The following DNTT variants were observed in gnomAD, a reference collection of about 807,000 sequenced individuals.
DNTT encodes the protein DNA nucleotidylexotransferase.
A neutral mutation model predicts 60.9 loss-of-function variants in DNTT; 47 were observed. That is an observed-to-expected ratio of 0.77 (90% CI 0.61 to 0.98). The LOEUF is 0.98. Ranked by LOEUF, DNTT falls within the 50% of genes least tolerant of loss-of-function variation. The pLI is 0.00. For synonymous variants in DNTT, 224 were observed against 221.2 expected (o/e 1.01, Z -0.11); for missense variants, 665 against 627.5 (o/e 1.06, Z -0.64).
intron 6 of DNTT, among the ~76,000 whole-genome samples, chr10:96,326,863 G>A (rs1455108998): frequency 6.6e-6 from 1 of 152,146 alleles, no homozygotes; most frequent in Admixed American, 6.5e-5. Context: ...TTGGAGATAA[G>A]CCTCCCTTCT....
rs375155834 is a variant in DNTT, at chr10:96,335,919, C to T, written c.1388C>T (p.Ala463Val). The T allele has an allele frequency of 6.2e-6, 10 of 1,614,172 alleles. No homozygotes were observed. Among genetic ancestry groups the T allele is most frequent in the South Asian group, 1.1e-5 (1 of 91,078 alleles). The change falls in exon 10 of 11, where the codon GCC (alanine) becomes GTC (valine). Residue 463 changes from alanine to valine, a missense_variant. Physicochemically the swap from Ala to Val is moderately conservative, Grantham distance 64. Coordinates refer to ENST00000371174, the MANE Select transcript of DNTT (RefSeq NM_004088.4). ...RQFERDLRRY[A>V]THERKMILDN... ...TTTGAGAGAGACCTCCGGCGCTATG[C>T]CACACATGAGCGGAAGATGATTCTG...
At chr10:96,306,092 ATTTTTT>A (rs66877330) in intron 1 of DNTT, among the ~76,000 whole-genome samples, 3 of 131,482 alleles carry the variant, frequency 2.3e-5, no homozygotes, top group African/African-American at 8.4e-5. Flanking sequence ...AAAAAAATAG[ATTTTTT>A]TTTTTTTTTT....
chr10:96,324,437 C>T (rs368014019), intron 6 of DNTT, 48 bp downstream of exon 6: 115 of 1,605,922 alleles, frequency 7.2e-5, no homozygotes, highest in Middle Eastern at 1.7e-4. Context: ...CTGGTCGGGT[C>T]GTGGTGGAGC....
At position 96,308,819 on chromosome 10, in the gene DNTT, A is replaced by G. The variant is rs140877596; in HGVS notation, c.203+4119A>G. Among the ~76,000 whole-genome samples the G allele has an allele frequency of 2.9e-4, 44 of 152,344 alleles. 1 individual carries two copies. In the East Asian group the frequency reaches 8.1e-3, roughly 28 times the overall value. ...TACATTCTTAAAGGTGGGGAGAATT[A>G]CAAAGAACCTTCTTAAGGGTGGGGG... is the stretch of plus-strand genomic sequence containing the variant. On this transcript the variant is annotated intron_variant, in intron 1 of 10. Transcript: ENST00000371174.
At chr10:96,316,553 G>A (rs903565421) in intron 1 of DNTT, among the ~76,000 whole-genome samples, 3 of 152,090 alleles carry the variant, frequency 2.0e-5, no homozygotes, top group African/African-American at 4.8e-5. Flanking sequence ...TTGTCCCTAC[G>A]AATTCAGCCA....
Position 96,307,825 on chromosome 10 carries a change from G to A in DNTT, c.203+3125G>A, listed in dbSNP as rs140417129. Among the ~76,000 whole-genome samples the A allele has an allele frequency of 5.4e-3, 776 of 144,634 alleles. 6 individuals are homozygous for A. The highest frequency in any genetic ancestry group is 0.019 in the African/African-American group (730 of 38,830). The allele number at this position is 144,634 out of a possible 152,430, so 94.9% of individuals were successfully genotyped here. On this transcript the variant is annotated intron_variant, in intron 1 of 10. Coordinates refer to ENST00000371174, the MANE Select transcript of DNTT (RefSeq NM_004088.4). ...CTTGTTCTGTCACGCAGGCTGGAGT[G>A]CAGTGGTGCCATCTCGGCTCACTGC...
chr10:96,307,597 G>A (rs1450814375), intron 1 of DNTT, among the ~76,000 whole-genome samples: 2 of 148,696 alleles, frequency 1.3e-5, no homozygotes, highest in Admixed American at 1.3e-4. Context: ...CTCGTGATCC[G>A]CCCGCCTTGG....
At chr10:96,336,698 G>A (rs1376083695) in intron 10 of DNTT, among the ~76,000 whole-genome samples, 1 of 152,146 alleles carries the variant, frequency 6.6e-6, no homozygotes, top group Non-Finnish European at 1.5e-5. Context: ...TGTAATCCCA[G>A]CACTTTGGGA....
intron 8 of DNTT, among the ~76,000 whole-genome samples, chr10:96,331,060 C>T (rs763741821): frequency 6.6e-6 from 1 of 152,088 alleles, no homozygotes; most frequent in Non-Finnish European, 1.5e-5. Flanking sequence ...AATGGCAACT[C>T]GATTGGGCAC....
chr10:96,324,213 A>T, intron 5 of DNTT, 53 bp from the exon 6 acceptor site: 1 of 1,575,256 alleles, frequency 6.3e-7, no homozygotes, highest in East Asian at 2.3e-5. Context: ...CATGACTCGG[A>T]TGTTATAATG....
chr10:96,315,909 G>A (rs1302772573), intron 1 of DNTT, among the ~76,000 whole-genome samples: 1 of 151,890 alleles, frequency 6.6e-6, no homozygotes, highest in Non-Finnish European at 1.5e-5. Context: ...TCTACAATAG[G>A]GAAGTGGTTA....
At chr10:96,307,055 T>G (rs1844647000) in intron 1 of DNTT, among the ~76,000 whole-genome samples, 1 of 152,226 alleles carries the variant, frequency 6.6e-6, no homozygotes, top group Non-Finnish European at 1.5e-5. Context: ...AAATGGCCTA[T>G]CTGATGTGAT....
At chr10:96,321,967 A>G (rs1007099352) in intron 4 of DNTT, among the ~76,000 whole-genome samples, 14 of 152,320 alleles carry the variant, frequency 9.2e-5, no homozygotes, top group Non-Finnish European at 1.9e-4. Flanking sequence ...CAAGTGGCCT[A>G]AATCTTGACA....
chr10:96,307,474 C>A (rs915985496), intron 1 of DNTT, among the ~76,000 whole-genome samples: 2 of 148,598 alleles, frequency 1.3e-5, no homozygotes, highest in Non-Finnish European at 3.0e-5. Flanking sequence ...CCTGCCTAAG[C>A]CTCCTGAACA....
At chr10:96,311,588 T>C (rs1844714493) in intron 1 of DNTT, among the ~76,000 whole-genome samples, 1 of 152,224 alleles carries the variant, frequency 6.6e-6, no homozygotes, top group Non-Finnish European at 1.5e-5. Flanking sequence ...ACGATTCTTG[T>C]AATATCTTTT....
Position 96,321,328 on chromosome 10 carries a change from T to C in DNTT, c.678+540T>C, listed in dbSNP as rs144271697. 1.5e-3 allele frequency among the ~76,000 whole-genome samples: 228 copies of C among 152,220 alleles called. No homozygotes were observed. The Middle Eastern group carries it at 0.017, about 11-fold the overall frequency. Reference sequence around the variant, plus strand: ...CTTGGGGTATATGTTGGCATACTTCTGGGGTCCTGCGTCACTTTTCCCATG... The same window carrying C: ...CTTGGGGTATATGTTGGCATACTTCCGGGGTCCTGCGTCACTTTTCCCATG... On this transcript the variant is annotated intron_variant, in intron 4 of 10. Coordinates refer to ENST00000371174, the MANE Select transcript of DNTT (RefSeq NM_004088.4).
chr10:96,304,639 C>T lies in DNTT; in HGVS notation c.142C>T (p.Arg48Cys), dbSNP rs779136442. The stretch of plus-strand genomic sequence containing the variant: ...TTTGGAGAAGAAAATGGGAACCACC[C>T]GCAGAGCGTTCCTCATGGAGCTGGC... ...FILEKKMGTT[R>C]RAFLMELARR... The change falls in exon 1 of 11, where the codon CGC becomes TGC. Residue 48 changes from arginine to cysteine, a missense_variant. Coordinates refer to ENST00000371174, the MANE Select transcript of DNTT (RefSeq NM_004088.4). 45 of 1,614,002 alleles carry T rather than the reference C, an allele frequency of 2.8e-5. No homozygotes were observed. The highest frequency in any genetic ancestry group is 3.5e-5 in the Non-Finnish European group (41 of 1,180,010).
intron 9 of DNTT, 145 bp from the exon 10 acceptor site, chr10:96,335,746 G>C: frequency 1.2e-6 from 1 of 856,956 alleles, no homozygotes. Flanking sequence ...ACGGACTTCT[G>C]TCACCAGAGA....
In DNTT at chr10:96,328,774, T is replaced by TCAA; in HGVS notation, c.1060_1062dup (p.Thr354dup). 6.2e-7 allele frequency: 1 copy of TCAA among 1,613,894 alleles called. No individual in the cohort carries two copies. Among genetic ancestry groups the TCAA allele is most frequent in the East Asian group, 2.2e-5 (1 of 44,846 alleles). On this transcript the variant is annotated inframe_insertion, in exon 8 of 11. Coordinates refer to ENST00000371174, the MANE Select transcript of DNTT (RefSeq NM_004088.4). Reference sequence around the variant, plus strand: ...AGATTTTTTAATTACCAGCCCAGGATCAACAGAGGATGAAGAGCAACTTTT... The same window carrying TCAA: ...AGATTTTTTAATTACCAGCCCAGGATCAACAACAGAGGATGAAGAGCAACTTTT...
Sources: allele counts gnomAD v4.1 joint callset (sites outside exome capture counted in the v4.1 genomes callset), GRCh38; gene constraint gnomAD v4.1.1; transcripts MANE v1.5; gene names NCBI Gene and HGNC (gene_info 2026-07-23, HGNC 2026-07-21).